ITIH5: variants seen among roughly 807,000 people sequenced by gnomAD.
ITIH5 encodes inter-alpha-trypsin inhibitor heavy chain 5.
ITIH5 carries 65 observed loss-of-function variants against 77.5 expected under a neutral mutation model. The ratio of observed to expected loss-of-function variants is 0.84; its 90% CI spans 0.69 to 1.03. The LOEUF is 1.03. ITIH5 is among the 50% of genes least tolerant of loss of function. The pLI is 0.00. For synonymous variants in ITIH5, 525 were observed against 494.3 expected, an observed-to-expected ratio of 1.06 and a Z score of -0.82; for missense variants, 1,208 against 1,213.1, an observed-to-expected ratio of 1.00 and a Z score of 0.06.
rs1433191324 is a variant in ITIH5 at position 7,585,836 on chromosome 10, A to C, written c.1108+65T>G. 9.0e-6 allele frequency: 13 copies of C among 1,445,704 alleles called. No homozygotes were observed. The East Asian group carries it at 9.3e-5, about 10-fold the overall frequency. 89.6% of individuals were successfully genotyped at this position (1,445,704 alleles called of 1,614,324 possible). A position where few individuals can be genotyped will look rare whatever the true frequency, so the allele number is the denominator to read the frequency against. ...TCCTTATCTCTTGGCAAAAAAAAAA[A>C]AAAACCAAAAAAAAAAACATTATTT... On this transcript the variant is annotated intron_variant, in intron 8 of 13. Transcript: ENST00000397146.
intron 2 of ITIH5, among the ~76,000 whole-genome samples, chr10:7,646,606 CT>C (rs1466114908): frequency 2.0e-5 from 3 of 152,170 alleles, no homozygotes; most frequent in African/African-American, 7.2e-5. Context: ...TCCAGAAGGG[CT>C]TGGCTGGGAG....
At chr10:7,580,421 G>A (rs1423961966) in intron 8 of ITIH5, among the ~76,000 whole-genome samples, 1 of 152,180 alleles carries the variant, frequency 6.6e-6, no homozygotes, top group East Asian at 1.9e-4. Flanking sequence ...TGCCCAGCCT[G>A]AATGCACTTT....
chr10:7,589,543 TC>T (rs1398560497), intron 7 of ITIH5, among the ~76,000 whole-genome samples: 1 of 152,074 alleles, frequency 6.6e-6, no homozygotes, highest in African/African-American at 2.4e-5. Flanking sequence ...CACCTTCTCA[TC>T]CTACTGAAGA....
intron 7 of ITIH5, 107 bp from the exon 8 acceptor site, chr10:7,586,176 T>A: frequency 3.0e-6 from 3 of 1,012,342 alleles, no homozygotes; most frequent in Non-Finnish European, 4.3e-6. Flanking sequence ...AGGGTTCAAA[T>A]TCAGTGTCAG....
intron 1 of ITIH5, among the ~76,000 whole-genome samples, 164 bp from the exon 2 acceptor site, chr10:7,655,839 G>A (rs1250875949): frequency 6.6e-6 from 1 of 152,194 alleles, no homozygotes; most frequent in Non-Finnish European, 1.5e-5. Context: ...CTTTTTATCA[G>A]GGAGTTTGTT....
chr10:7,589,615 G>A (rs2130984506), intron 7 of ITIH5, among the ~76,000 whole-genome samples: 1 of 151,898 alleles, frequency 6.6e-6, no homozygotes, highest in Admixed American at 6.6e-5. Context: ...CATTCCCAGG[G>A]CTCGGAGACC....
intron 5 of ITIH5, chr10:7,619,059 G>A (rs1051077680): frequency 1.3e-5 from 2 of 152,256 alleles, no homozygotes; most frequent in African/African-American, 4.8e-5. Context: ...TCATCTGAAG[G>A]AGTTGGGAAA....
At chr10:7,583,395 C>G (rs935687207) in intron 8 of ITIH5, among the ~76,000 whole-genome samples, 6 of 152,116 alleles carry the variant, frequency 3.9e-5, no homozygotes, top group Non-Finnish European at 5.9e-5. Flanking sequence ...TGCAGTGGTG[C>G]GATCTCGGCT....
intron 1 of ITIH5, among the ~76,000 whole-genome samples, chr10:7,665,254 CTT>C (rs1834343152): frequency 6.6e-6 from 1 of 152,162 alleles, no homozygotes; most frequent in Non-Finnish European, 1.5e-5. Flanking sequence ...TTTAAACAGC[CTT>C]CCTAGTTCAG....
intron 8 of ITIH5, among the ~76,000 whole-genome samples, chr10:7,584,883 A>G (rs1393046396): frequency 6.6e-6 from 1 of 152,200 alleles, no homozygotes; most frequent in Non-Finnish European, 1.5e-5. Flanking sequence ...ACACCAAAAC[A>G]GTTCCTAGAT....
rs761012253 is a variant in ITIH5, at chr10:7,576,707, C to T, written c.1724G>A (p.Arg575His). The change falls in exon 10 of 14, where the codon CGT becomes CAT. Residue 575 changes from arginine to histidine, a missense_variant. Arg to His is a conservative substitution (Grantham distance 29). Coordinates refer to ENST00000397146, the MANE Select transcript of ITIH5 (RefSeq NM_030569.7). The part of the protein sequence containing the change: ...DGEGDTNHIE[R>H]LWSYLTTKEL... ...CTTTGTGGTGAGGTAGCTCCAGAGA[C>T]GCTCGATGTGGTTGGTGTCCCCCTC... 38 of 1,613,998 alleles carry T rather than the reference C, an allele frequency of 2.4e-5. No homozygotes were observed. The highest frequency in any genetic ancestry group is 1.3e-4 in the East Asian group (6 of 44,890).
chr10:7,644,863 CATATATATCACAT>C (rs374497716), intron 2 of ITIH5, among the ~76,000 whole-genome samples: 165 of 117,242 alleles, frequency 1.4e-3, no homozygotes, highest in African/African-American at 2.6e-3. Context: ...ATATGTATCA[CATATATATCACAT>C]ATATATATCA....
chr10:7,634,729 T>C (rs1833772609), intron 5 of ITIH5, among the ~76,000 whole-genome samples: 1 of 152,162 alleles, frequency 6.6e-6, no homozygotes, highest in African/African-American at 2.4e-5. Context: ...ATTTCATTAC[T>C]GCAACAGGAC....
chr10:7,600,524 G>T (rs774816508), intron 7 of ITIH5: 21 of 456,592 alleles, frequency 4.6e-5, no homozygotes, highest in South Asian at 3.3e-4. Context: ...TATTTGTCTT[G>T]TTACCTTGGC....
At chr10:7,577,665 G>A (rs139530780) in intron 9 of ITIH5, among the ~76,000 whole-genome samples, 293 of 152,306 alleles carry the variant, frequency 1.9e-3, no homozygotes, top group Non-Finnish European at 3.4e-3. Context: ...TTGCATGGTC[G>A]CTTCTTGCTA....
chr10:7,571,205 T>A (rs2130947117), intron 11 of ITIH5, among the ~76,000 whole-genome samples: 1 of 152,216 alleles, frequency 6.6e-6, no homozygotes, highest in South Asian at 2.1e-4. Flanking sequence ...GGGGAAAAAC[T>A]GACCCCCAGA....
intron 10 of ITIH5, among the ~76,000 whole-genome samples, chr10:7,574,792 C>CGG (rs1554748361): frequency 5.0e-5 from 4 of 79,436 alleles, no homozygotes; most frequent in Admixed American, 1.9e-4. Flanking sequence ...GACTCCATCT[C>CGG]GGAAAAAAAA....
At chr10:7,666,742 G>T in intron 1 of ITIH5, 61 bp downstream of exon 1, 1 of 1,402,790 alleles carries the variant, frequency 7.1e-7, no homozygotes, top group Non-Finnish European at 9.9e-7. Flanking sequence ...CTCCGCGGCC[G>T]GGCCGGCGGA....
At chr10:7,611,562 T>C (rs1833244672) in intron 7 of ITIH5, among the ~76,000 whole-genome samples, 1 of 152,258 alleles carries the variant, frequency 6.6e-6, no homozygotes, top group African/African-American at 2.4e-5. Flanking sequence ...TGAGATGCAT[T>C]TCTTTAATTA....
Sources: allele counts gnomAD v4.1 joint callset (sites outside exome capture counted in the v4.1 genomes callset), GRCh38; gene constraint gnomAD v4.1.1; transcripts MANE v1.5; gene names NCBI Gene and HGNC (gene_info 2026-07-23, HGNC 2026-07-21).